BMPR1A: variants seen among roughly 807,000 people sequenced by gnomAD.
BMPR1A encodes bone morphogenetic protein receptor type 1A, also known as bone morphogenetic protein receptor type-1A.
Under a neutral mutation model 66.0 loss-of-function variants are expected in BMPR1A, and 7 were observed. That is an observed-to-expected ratio of 0.11 (90% confidence interval 0.06 to 0.20). The LOEUF is 0.20. BMPR1A is among the 10% of genes least tolerant of loss of function. The probability of loss-of-function intolerance (pLI) is 1.00; values close to 1 mark genes in which losing one functional copy is unlikely to be tolerated. For synonymous variants in BMPR1A, 200 were observed against 229.7 expected (o/e 0.87, Z 1.17); for missense variants, 408 against 669.1 (o/e 0.61, Z 4.31).
intron 5 of BMPR1A, among the ~76,000 whole-genome samples, chr10:86,894,632 G>A (rs896415251): frequency 2.0e-5 from 3 of 152,136 alleles, no homozygotes; most frequent in Non-Finnish European, 4.4e-5. Flanking sequence ...TTGACAAGCT[G>A]TTCAAATCTA....
intron 1 of BMPR1A, among the ~76,000 whole-genome samples, chr10:86,785,619 T>C (rs1256017163): frequency 1.3e-5 from 2 of 152,320 alleles, no homozygotes; most frequent in Admixed American, 1.3e-4. Flanking sequence ...GTGTTCTTTA[T>C]GTGTCCGTTA....
chr10:86,833,817 C>T (rs1168475218), intron 1 of BMPR1A, among the ~76,000 whole-genome samples: 1 of 151,684 alleles, frequency 6.6e-6, no homozygotes, highest in Non-Finnish European at 1.5e-5. Flanking sequence ...CCTAAGTCAC[C>T]CTATCTGCTG....
intron 1 of BMPR1A, among the ~76,000 whole-genome samples, chr10:86,823,591 TG>T (rs1438816233): frequency 6.6e-6 from 1 of 152,212 alleles, no homozygotes; most frequent in Admixed American, 6.5e-5. Context: ...AAAAGCACTA[TG>T]AGGTCTTTAA....
chr10:86,792,849 A>G (rs992594512), intron 1 of BMPR1A, among the ~76,000 whole-genome samples: 1 of 152,238 alleles, frequency 6.6e-6, no homozygotes, highest in Non-Finnish European at 1.5e-5. Flanking sequence ...TTGATATTAC[A>G]GTGACCTTGC....
At chr10:86,774,337 G>A (rs942049276) in intron 1 of BMPR1A, among the ~76,000 whole-genome samples, 8 of 151,846 alleles carry the variant, frequency 5.3e-5, no homozygotes, top group Non-Finnish European at 1.2e-4. Context: ...TTGTAAATTT[G>A]CCATTGCTTT....
In BMPR1A at chr10:86,892,244, G is replaced by A. The variant is rs778536321; in HGVS notation, c.333+15G>A. On this transcript the variant is annotated intron_variant, in intron 5 of 12. Coordinates refer to ENST00000372037, the MANE Select transcript of BMPR1A (RefSeq NM_004329.3). ...TTCAGTGCAAAGTAAGATATAATTT[G>A]GGACCCATGAGACAAAGAAGGGAGG... The A allele has an allele frequency of 4.4e-6, 7 of 1,602,746 alleles. No individual in the cohort carries two copies. The highest frequency in any genetic ancestry group is 6.0e-6 in the Non-Finnish European group (7 of 1,170,120).
At chr10:86,849,276 C>T (rs1008723045) in intron 2 of BMPR1A, among the ~76,000 whole-genome samples, 7 of 152,236 alleles carry the variant, frequency 4.6e-5, no homozygotes, top group Non-Finnish European at 1.0e-4. Context: ...TGATCTCACT[C>T]TATTCCTTAT....
Position 86,781,235 on chromosome 10 carries a change from ATTC to A in BMPR1A, c.-268+24321_-268+24323del, listed in dbSNP as rs957302598. Among the ~76,000 whole-genome samples the A allele has an allele frequency of 1.1e-3, 171 of 152,162 alleles. 1 individual carries two copies. The highest frequency in any genetic ancestry group is 2.4e-3 in the Non-Finnish European group (161 of 67,992). ...GGGTGAGTGTTGGGCGTCTGCTTTT[ATTC>A]TTCTGCATATGGATATCCATTTTTC... is the stretch of plus-strand genomic sequence containing the variant. On this transcript the variant is annotated intron_variant, in intron 1 of 12. Coordinates refer to ENST00000372037, the MANE Select transcript of BMPR1A (RefSeq NM_004329.3).
At chr10:86,804,792 GTTT>G (rs5786747) in intron 1 of BMPR1A, among the ~76,000 whole-genome samples, 89 of 57,262 alleles carry the variant, frequency 1.6e-3, no homozygotes, top group South Asian at 0.015. Flanking sequence ...GTTTGTAGGT[GTTT>G]TTTTTTTTTT....
intron 2 of BMPR1A, among the ~76,000 whole-genome samples, chr10:86,874,157 G>C (rs548499457): frequency 6.6e-6 from 1 of 152,188 alleles, no homozygotes; most frequent in African/African-American, 2.4e-5. Flanking sequence ...AATGGGATGG[G>C]GGTAAAGTAG....
chr10:86,905,250 GT>G (rs1843369399), intron 7 of BMPR1A, among the ~76,000 whole-genome samples: 1 of 152,144 alleles, frequency 6.6e-6, no homozygotes, highest in Non-Finnish European at 1.5e-5. Flanking sequence ...TCCCTCCACT[GT>G]GGACGAGGCA....
At chr10:86,837,231 CTGTGTGTGTGTGTGTCTGTG>C (rs1441796769) in intron 1 of BMPR1A, among the ~76,000 whole-genome samples, 1 of 143,646 alleles carries the variant, frequency 7.0e-6, no homozygotes, top group African/African-American at 2.7e-5. Flanking sequence ...TAGAATCAGG[CTGTGTGTGTGTGTGTCTGTG>C]TGTGTGTGTG....
At chr10:86,901,135 C>T (rs1843302891) in intron 7 of BMPR1A, among the ~76,000 whole-genome samples, 1 of 152,340 alleles carries the variant, frequency 6.6e-6, no homozygotes, top group Non-Finnish European at 1.5e-5. Flanking sequence ...GAACTGAGGC[C>T]TCTTGCCAAT....
intron 7 of BMPR1A, among the ~76,000 whole-genome samples, chr10:86,904,627 C>T (rs1048457717): frequency 1.3e-5 from 2 of 152,044 alleles, no homozygotes; most frequent in Admixed American, 1.3e-4. Context: ...AAAGACAGGC[C>T]AGGTGAAGAT....
intron 2 of BMPR1A, among the ~76,000 whole-genome samples, chr10:86,866,399 C>CTTTTTTTTTTTTCTTTTTTTT (rs1842785864): frequency 5.8e-5 from 4 of 69,476 alleles, no homozygotes; most frequent in African/African-American, 1.6e-4. Context: ...AAGTTTCTTT[C>CTTTTTTTTTTTTCTTTTTTTT]TTTTTTTTTT....
At chr10:86,920,338 A>G (rs908293465) in intron 10 of BMPR1A, among the ~76,000 whole-genome samples, 6 of 152,148 alleles carry the variant, frequency 3.9e-5, no homozygotes, top group Non-Finnish European at 7.4e-5. Flanking sequence ...AGAGATAAGG[A>G]TGTCATTTTT....
At chr10:86,807,474 A>G (rs1247824129) in intron 1 of BMPR1A, among the ~76,000 whole-genome samples, 1 of 150,656 alleles carries the variant, frequency 6.6e-6, no homozygotes, top group Non-Finnish European at 1.5e-5. Flanking sequence ...TTGAACTTCT[A>G]GGCTCAAGCG....
intron 2 of BMPR1A, among the ~76,000 whole-genome samples, chr10:86,863,988 A>G (rs1842747162): frequency 6.6e-6 from 1 of 152,248 alleles, no homozygotes; most frequent in South Asian, 2.1e-4. Flanking sequence ...GTATTCATAC[A>G]TTAGTTTGAT....
chr10:86,863,990 TA>T (rs2133249538), intron 2 of BMPR1A, among the ~76,000 whole-genome samples: 1 of 152,326 alleles, frequency 6.6e-6, no homozygotes, highest in East Asian at 1.9e-4. Flanking sequence ...ATTCATACAT[TA>T]GTTTGATCAA....
Sources: allele counts gnomAD v4.1 joint callset (sites outside exome capture counted in the v4.1 genomes callset), GRCh38; gene constraint gnomAD v4.1.1; transcripts MANE v1.5; gene names NCBI Gene and HGNC (gene_info 2026-07-23, HGNC 2026-07-21).